The following SFI1 variants were observed in gnomAD, a reference collection of about 807,000 sequenced individuals.
The protein encoded by SFI1 is SFI1 centrin binding protein.
Under a neutral mutation model 207.5 loss-of-function variants are expected in SFI1, and 195 were observed. The observed-to-expected ratio is 0.94, with a 90% CI of 0.84 to 1.06. The LOEUF is 1.06. Ranked by LOEUF, SFI1 falls within the 50% of genes least tolerant of loss-of-function variation. The pLI is 0.00. For synonymous variants in SFI1, 630 were observed against 598.9 expected, an observed-to-expected ratio of 1.05 and a Z score of -0.76; for missense variants, 1,634 against 1,588.0, an observed-to-expected ratio of 1.03 and a Z score of -0.49.
intron 9 of SFI1, among the ~76,000 whole-genome samples, chr22:31,574,747 C>T (rs2063294855): frequency 1.3e-5 from 2 of 152,064 alleles, no homozygotes; most frequent in Admixed American, 6.6e-5. Context: ...TCCTAATGAC[C>T]TTTCAAGGTT....
intron 2 of SFI1, among the ~76,000 whole-genome samples, chr22:31,520,979 G>C (rs1401243698): frequency 6.8e-6 from 1 of 146,882 alleles, no homozygotes; most frequent in African/African-American, 2.5e-5. Flanking sequence ...TTCCAGCCTG[G>C]GCAACAGAGC....
intron 2 of SFI1, among the ~76,000 whole-genome samples, chr22:31,527,210 T>TA (rs200195777): frequency 4.7e-5 from 7 of 150,478 alleles, no homozygotes; most frequent in Admixed American, 1.3e-4. Flanking sequence ...AACCTGTCTT[T>TA]AAAAAAAAAA....
chr22:31,513,821 C>T (rs923289706), intron 2 of SFI1, among the ~76,000 whole-genome samples: 10 of 150,638 alleles, frequency 6.6e-5, no homozygotes, highest in Non-Finnish European at 1.2e-4. Context: ...CCTCGTGATC[C>T]GCCCACCTCA....
intron 9 of SFI1, among the ~76,000 whole-genome samples, 168 bp from the exon 10 acceptor site, chr22:31,575,062 GA>G (rs367718706): frequency 0.023 from 2,541 of 110,206 alleles, 36 homozygotes; most frequent in Non-Finnish European, 0.036. Context: ...CCAACTCAAA[GA>G]AAAAAAAAAA....
chr22:31,508,749 T>G (rs2055041191), intron 2 of SFI1, among the ~76,000 whole-genome samples: 1 of 152,146 alleles, frequency 6.6e-6, no homozygotes, highest in South Asian at 2.1e-4. Flanking sequence ...CCAATGAAGC[T>G]CTCGGCACCT....
At chr22:31,610,822 G>T (rs2069964965) in intron 22 of SFI1, among the ~76,000 whole-genome samples, 2 of 152,332 alleles carry the variant, frequency 1.3e-5, no homozygotes, top group Non-Finnish European at 2.9e-5. Flanking sequence ...CACGTGCCCA[G>T]CAGCATTTTG....
chr22:31,598,714 GC>G (rs1371521442), intron 15 of SFI1, among the ~76,000 whole-genome samples: 1 of 2,900 alleles, frequency 3.4e-4, no homozygotes, highest in Non-Finnish European at 1.5e-3. Context: ...ACTGCGCCTG[GC>G]CTTTTTTTTT....
chr22:31,590,063 G>A lies in SFI1; in HGVS notation c.1544+486G>A, dbSNP rs188577303. 2.6e-4 allele frequency among the ~76,000 whole-genome samples: 39 copies of A among 151,872 alleles called. No individual in the cohort carries two copies. In the East Asian group the frequency reaches 6.4e-3, roughly 25 times the overall value. On this transcript the variant is annotated intron_variant, in intron 15 of 32. Coordinates refer to ENST00000400288, the MANE Select transcript of SFI1 (RefSeq NM_001007467.3). ...TCCCAGTTGAAGGGCAGGAGAAGAT[G>A]AGATGAGATCTGCCCACGCAGGCAG... is the stretch of plus-strand genomic sequence containing the variant.
chr22:31,580,942 C>T (rs564219229), intron 12 of SFI1, among the ~76,000 whole-genome samples: 8 of 152,240 alleles, frequency 5.3e-5, no homozygotes, highest in Admixed American at 3.3e-4. Context: ...ATAGTTGACT[C>T]AAAGTTCAGG....
chr22:31,563,882 C>T (rs13054974), intron 8 of SFI1, among the ~76,000 whole-genome samples: 7,604 of 151,250 alleles, frequency 0.05, 482 homozygotes, highest in East Asian at 0.34. Context: ...CCACCACACC[C>T]AGCCTACACG....
At chr22:31,593,375 C>T (rs1485677658) in intron 15 of SFI1, among the ~76,000 whole-genome samples, 182 of 136,044 alleles carry the variant, frequency 1.3e-3, no homozygotes, top group Middle Eastern at 3.9e-3. Flanking sequence ...GGGGCAGAGG[C>T]GCTCCCCACA....
intron 7 of SFI1, among the ~76,000 whole-genome samples, chr22:31,558,585 C>T (rs1281218711): frequency 6.6e-6 from 1 of 151,384 alleles, no homozygotes; most frequent in Non-Finnish European, 1.5e-5. Context: ...TCAAGCGATT[C>T]TTCTGCCTTG....
chr22:31,618,485 A>G lies in SFI1; in HGVS notation c.*67A>G. 7.2e-7 allele frequency: 1 copy of G among 1,383,210 alleles called. No homozygotes were observed. The allele number at this position is 1,383,210 out of a possible 1,614,324, so 85.7% of individuals were successfully genotyped here. A position where few individuals can be genotyped will look rare whatever the true frequency, so the allele number is the denominator to read the frequency against. Reference sequence around the variant, plus strand: ...GCCTCAGGCCACCTCCAGGAACAGAACACAGTTTTAAGTTTGATTTTTTTT... The same window carrying G: ...GCCTCAGGCCACCTCCAGGAACAGAGCACAGTTTTAAGTTTGATTTTTTTT... On this transcript the variant is annotated 3_prime_UTR_variant, in exon 33 of 33. Transcript: ENST00000400288.
At chr22:31,589,005 A>C (rs2065418041) in intron 14 of SFI1, among the ~76,000 whole-genome samples, 1 of 152,202 alleles carries the variant, frequency 6.6e-6, no homozygotes, top group East Asian at 1.9e-4. Flanking sequence ...TATGACAAAC[A>C]CTATAAACAA....
At chr22:31,561,245 T>C (rs772465674) in intron 7 of SFI1, 45 bp from the exon 8 acceptor site, 6 of 1,572,170 alleles carry the variant, frequency 3.8e-6, no homozygotes. Flanking sequence ...CTTTCCTGAG[T>C]GGCTTTTTAC....
rs548843599 is a variant in SFI1 at position 31,568,142 on chromosome 22, ACTCT to A, written c.766-4905_766-4902del. Among the ~76,000 whole-genome samples, 536 of 129,342 alleles carry A rather than the reference ACTCT, an allele frequency of 4.1e-3. 3 individuals carry two copies. The highest frequency in any genetic ancestry group is 0.013 in the Admixed American group (163 of 12,954). The allele number at this position is 129,342 out of a possible 152,430, so 84.9% of individuals were successfully genotyped here. ...ATTGGAACTGTAAATATCAATATGG[ACTCT>A]CTCTCTCTCTATATATATATGTGTG... On this transcript the variant is annotated intron_variant, in intron 8 of 32. Coordinates refer to ENST00000400288, the MANE Select transcript of SFI1 (RefSeq NM_001007467.3).
intron 14 of SFI1, among the ~76,000 whole-genome samples, chr22:31,586,999 A>G (rs1333945808): frequency 1.3e-5 from 2 of 152,230 alleles, no homozygotes; most frequent in Admixed American, 1.3e-4. Context: ...CAAGATAAAA[A>G]TATTATTTTT....
chr22:31,611,857 T>C lies in SFI1; in HGVS notation c.2490+17T>C. On this transcript the variant is annotated intron_variant, in intron 24 of 32. Coordinates refer to ENST00000400288, the MANE Select transcript of SFI1 (RefSeq NM_001007467.3). The stretch of plus-strand genomic sequence containing the variant: ...AGACAACAGGTGGGAACCCAGGAGA[T>C]GTCCCCTCTGCACTTCCTTCTCCAT... 6.2e-7 allele frequency: 1 copy of C among 1,613,452 alleles called. No individual in the cohort carries two copies. The highest frequency in any genetic ancestry group is 8.5e-7 in the Non-Finnish European group (1 of 1,179,754).
At chr22:31,612,073 T>C (rs1376675094) in intron 24 of SFI1, 2 of 1,260,430 alleles carry the variant, frequency 1.6e-6, no homozygotes, top group East Asian at 3.9e-5. Flanking sequence ...TCTACAGTGT[T>C]GTATTAAAAA....
Sources: gnomAD v4.1 joint callset for allele counts (sites outside exome capture counted in the v4.1 genomes callset) on GRCh38, gnomAD v4.1.1 for gene constraint, MANE v1.5 for transcripts, NCBI Gene and HGNC (gene_info 2026-07-23, HGNC 2026-07-21) for gene names.